LPP: variants seen among roughly 807,000 people sequenced by gnomAD.
The protein encoded by LPP is LIM domain containing preferred translocation partner in lipoma.
A neutral mutation model predicts 60.4 loss-of-function variants in LPP; 38 were observed. The ratio of observed to expected loss-of-function variants is 0.63; its 90% CI spans 0.49 to 0.83. The LOEUF (loss-of-function observed/expected upper bound fraction) is 0.83, where lower values mean the gene tolerates loss of function less well. Ranked by LOEUF, LPP falls within the 40% of genes least tolerant of loss-of-function variation. LPP has a pLI of 0.00. For missense variants in LPP, 902 were observed against 783.6 expected, an observed-to-expected ratio of 1.15 and a Z score of -1.80; for synonymous variants, 328 against 290.8, an observed-to-expected ratio of 1.13 and a Z score of -1.30.
chr3:188,563,285 C>A (rs544458686), intron 6 of LPP, among the ~76,000 whole-genome samples: 3 of 151,848 alleles, frequency 2.0e-5, no homozygotes, highest in Non-Finnish European at 4.4e-5. Flanking sequence ...ATTATCACAA[C>A]GGATTTCAGC....
intron 2 of LPP, among the ~76,000 whole-genome samples, chr3:188,241,000 T>A (rs189893752): frequency 6.6e-6 from 1 of 152,304 alleles, no homozygotes; most frequent in Middle Eastern, 3.4e-3. Flanking sequence ...TGTTACGGGG[T>A]ATGTATGCAT....
At chr3:188,707,785 A>G (rs546150221) in intron 7 of LPP, among the ~76,000 whole-genome samples, 16 of 152,270 alleles carry the variant, frequency 1.1e-4, no homozygotes, top group Non-Finnish European at 1.5e-5. Context: ...TTTTAGCTGA[A>G]TAAGGCCTAG....
At chr3:188,293,158 A>C (rs1338890442) in intron 2 of LPP, among the ~76,000 whole-genome samples, 1 of 152,258 alleles carries the variant, frequency 6.6e-6, no homozygotes, top group African/African-American at 2.4e-5. Flanking sequence ...GACTGGTCTC[A>C]TATCTTATTA....
chr3:188,765,016 G>A (rs1733566886), intron 9 of LPP, among the ~76,000 whole-genome samples: 1 of 152,130 alleles, frequency 6.6e-6, no homozygotes, highest in African/African-American at 2.4e-5. Flanking sequence ...TCATCAAATG[G>A]CTACAGTTAA....
intron 6 of LPP, among the ~76,000 whole-genome samples, chr3:188,535,793 A>T (rs555771281): frequency 5.1e-4 from 78 of 152,298 alleles, no homozygotes; most frequent in African/African-American, 1.8e-3. Context: ...ATAACATAAG[A>T]AAGAAATATC....
At chr3:188,549,529 G>A (rs1179318785) in intron 6 of LPP, among the ~76,000 whole-genome samples, 15 of 152,146 alleles carry the variant, frequency 9.9e-5, no homozygotes, top group Admixed American at 9.8e-4. Context: ...ATAGGTCTTT[G>A]TTAGTTCCAA....
At chr3:188,324,013 C>T (rs1343612936) in intron 2 of LPP, among the ~76,000 whole-genome samples, 5 of 151,702 alleles carry the variant, frequency 3.3e-5, no homozygotes, top group African/African-American at 9.7e-5. Flanking sequence ...ACAGAATAAG[C>T]TTTCAATAAA....
intron 7 of LPP, among the ~76,000 whole-genome samples, chr3:188,702,603 A>G (rs538126179): frequency 6.6e-6 from 1 of 152,326 alleles, no homozygotes; most frequent in South Asian, 2.1e-4. Context: ...TGTTAAGACA[A>G]TTTTGACGGA....
chr3:188,267,888 G>A (rs1025590496), intron 2 of LPP, among the ~76,000 whole-genome samples: 3 of 152,152 alleles, frequency 2.0e-5, no homozygotes, highest in Non-Finnish European at 4.4e-5. Flanking sequence ...TGGCAACCCA[G>A]GGCCAGCACT....
chr3:188,343,612 C>T (rs1763611256), intron 3 of LPP, among the ~76,000 whole-genome samples: 1 of 152,104 alleles, frequency 6.6e-6, no homozygotes, highest in Admixed American at 6.5e-5. Flanking sequence ...TCCCCTGTCC[C>T]CACAGAAACC....
intron 4 of LPP, among the ~76,000 whole-genome samples, chr3:188,479,004 G>T (rs181572494): frequency 6.6e-6 from 1 of 151,892 alleles, no homozygotes; most frequent in Non-Finnish European, 1.5e-5. Context: ...CGCTTGCCTC[G>T]ACCTCCCAAA....
At chr3:188,548,550 A>T (rs1827263463) in intron 6 of LPP, among the ~76,000 whole-genome samples, 1 of 152,182 alleles carries the variant, frequency 6.6e-6, no homozygotes, top group South Asian at 2.1e-4. Context: ...TTATCCATGC[A>T]TTGGTTCATT....
At chr3:188,229,255 T>C (rs1179508228) in intron 2 of LPP, among the ~76,000 whole-genome samples, 1 of 152,174 alleles carries the variant, frequency 6.6e-6, no homozygotes, top group Non-Finnish European at 1.5e-5. Flanking sequence ...TCTAGCCCAT[T>C]TGGCTTCTTA....
At chr3:188,307,383 T>G (rs1183817498) in intron 2 of LPP, among the ~76,000 whole-genome samples, 6 of 152,180 alleles carry the variant, frequency 3.9e-5, no homozygotes, top group African/African-American at 1.4e-4. Context: ...AGAATATCTG[T>G]GGGTGGGACT....
intron 3 of LPP, among the ~76,000 whole-genome samples, chr3:188,394,394 T>C (rs952955231): frequency 2.6e-5 from 4 of 152,184 alleles, no homozygotes; most frequent in Non-Finnish European, 5.9e-5. Flanking sequence ...TTCCTTGTCA[T>C]TGGACATGTA....
At chr3:188,594,163 A>G (rs73888851) in intron 6 of LPP, among the ~76,000 whole-genome samples, 10,464 of 152,262 alleles carry the variant, frequency 0.069, 787 homozygotes, top group East Asian at 0.35. Flanking sequence ...CCTAGGCCAT[A>G]GCACTTACAC....
At chr3:188,426,326 A>C (rs1789334334) in intron 4 of LPP, among the ~76,000 whole-genome samples, 1 of 152,130 alleles carries the variant, frequency 6.6e-6, no homozygotes, top group African/African-American at 2.4e-5. Context: ...ACTGTTTGTT[A>C]TGATTTCTGT....
chr3:188,812,642 G>A (rs549423681), intron 9 of LPP, among the ~76,000 whole-genome samples: 1 of 152,042 alleles, frequency 6.6e-6, no homozygotes, highest in Non-Finnish European at 1.5e-5. Flanking sequence ...GGGTAAATTA[G>A]CGTTCTCTTT....
At chr3:188,576,051 T>C (rs964401560) in intron 6 of LPP, among the ~76,000 whole-genome samples, 9 of 152,182 alleles carry the variant, frequency 5.9e-5, no homozygotes, top group African/African-American at 2.2e-4. Flanking sequence ...TCCACTGATT[T>C]AAAGCCCTGC....
Sources: gnomAD v4.1 joint callset for allele counts (sites outside exome capture counted in the v4.1 genomes callset) on GRCh38, gnomAD v4.1.1 for gene constraint, MANE v1.5 for transcripts, NCBI Gene and HGNC (gene_info 2026-07-23, HGNC 2026-07-21) for gene names.